The following THSD7A variants were observed in gnomAD, a reference collection of about 807,000 sequenced individuals.
The protein encoded by THSD7A is thrombospondin type-1 domain-containing protein 7A.
In THSD7A, 96 loss-of-function variants were observed where a neutral mutation model predicts 231.3. That is an observed-to-expected ratio of 0.41 (90% CI 0.35 to 0.49). The LOEUF (loss-of-function observed/expected upper bound fraction) is 0.49, where lower values mean the gene tolerates loss of function less well. Among genes scored for constraint, THSD7A ranks in the 20% least tolerant of loss-of-function variants. The pLI is 0.05. For synonymous variants in THSD7A, 940 were observed against 743.3 expected (o/e 1.26, Z -4.30); for missense variants, 2,290 against 2,070.2 (o/e 1.11, Z -2.06).
At chr7:11,563,908 A>G (rs1790185928) in intron 4 of THSD7A, among the ~76,000 whole-genome samples, 1 of 152,124 alleles carries the variant, frequency 6.6e-6, no homozygotes, top group South Asian at 2.1e-4. Context: ...AATCTCTTGA[A>G]TTGTGGTGAG....
chr7:11,686,942 C>A (rs1158020283), intron 1 of THSD7A, among the ~76,000 whole-genome samples: 1 of 151,748 alleles, frequency 6.6e-6, no homozygotes, highest in Non-Finnish European at 1.5e-5. Flanking sequence ...AGGTAACAAA[C>A]CTGCACATGT....
chr7:11,655,459 C>T (rs990019231), intron 1 of THSD7A, among the ~76,000 whole-genome samples: 1 of 151,800 alleles, frequency 6.6e-6, no homozygotes, highest in Non-Finnish European at 1.5e-5. Flanking sequence ...TCTAATCTAA[C>T]CCCATTCCTA....
rs534911147 is a variant in THSD7A, at chr7:11,446,684, C to A, written c.2801-360G>T. Among the ~76,000 whole-genome samples the A allele has an allele frequency of 2.6e-5, 4 of 152,210 alleles. No individual in the cohort carries two copies. The highest frequency in any genetic ancestry group is 3.4e-3 in the Middle Eastern group (1 of 294). ...TTTTTTAACTTAAATTCTGAGTACT[C>A]TACTAGCACCAATATTTTTAGGTTG... On this transcript the variant is annotated intron_variant, in intron 12 of 27. Coordinates refer to ENST00000423059, the MANE Select transcript of THSD7A (RefSeq NM_015204.3). This position sits in a 1 kb window ranked among gnomAD's most constrained non-coding sequence, Gnocchi z 4.0.
At chr7:11,592,612 A>C (rs1194365899) in intron 3 of THSD7A, among the ~76,000 whole-genome samples, 2 of 152,224 alleles carry the variant, frequency 1.3e-5, no homozygotes, top group African/African-American at 4.8e-5. Context: ...GATATATGCT[A>C]GCAATTAAAC....
chr7:11,800,654 A>G (rs931694441), intron 1 of THSD7A, among the ~76,000 whole-genome samples: 2 of 152,248 alleles, frequency 1.3e-5, no homozygotes, highest in Admixed American at 1.3e-4. Context: ...GTATGATTCC[A>G]TTTATACAAG....
chr7:11,681,336 C>T (rs1221567869), intron 1 of THSD7A, among the ~76,000 whole-genome samples: 7 of 151,808 alleles, frequency 4.6e-5, no homozygotes, highest in Admixed American at 2.0e-4. Flanking sequence ...TGTATACCTA[C>T]GTAACAAACC....
At chr7:11,417,641 T>C (rs1397523241) in intron 16 of THSD7A, 38 bp from the exon 17 acceptor site, 2 of 1,580,498 alleles carry the variant, frequency 1.3e-6, no homozygotes, top group Admixed American at 1.9e-5. Context: ...AAAATATACA[T>C]ACATTCTAGA....
At chr7:11,506,291 T>C (rs144337392) in intron 6 of THSD7A, among the ~76,000 whole-genome samples, 3 of 152,268 alleles carry the variant, frequency 2.0e-5, no homozygotes, top group Non-Finnish European at 2.9e-5. Context: ...CTGGGCCTGA[T>C]GTTTTGATTT....
At chr7:11,504,491 A>T (rs531420859) in intron 6 of THSD7A, among the ~76,000 whole-genome samples, 22 of 152,294 alleles carry the variant, frequency 1.4e-4, no homozygotes, top group Non-Finnish European at 2.8e-4. Flanking sequence ...AATAAAAAAA[A>T]TTTTAAAAAG....
rs554883809 is a variant in THSD7A at position 11,577,696 on chromosome 7, G to A, written c.1453+12764C>T. Among the ~76,000 whole-genome samples the A allele has an allele frequency of 9.2e-5, 14 of 151,444 alleles. No homozygotes were observed. In the South Asian group the frequency reaches 1.5e-3, roughly 16 times the overall value. On this transcript the variant is annotated intron_variant, in intron 4 of 27. Coordinates refer to ENST00000423059, the MANE Select transcript of THSD7A (RefSeq NM_015204.3). ...AGGGCTAAGTTTTCCCAGGCATAAA[G>A]CTCCCTATCTGGGCATTTTAGATCC... is the stretch of plus-strand genomic sequence containing the variant.
At chr7:11,613,594 A>C (rs553798088) in intron 2 of THSD7A, among the ~76,000 whole-genome samples, 1 of 152,330 alleles carries the variant, frequency 6.6e-6, no homozygotes, top group South Asian at 2.1e-4. Flanking sequence ...AAAAGTAGTC[A>C]GACTAGTAAG....
At chr7:11,686,801 G>A (rs1464420641) in intron 1 of THSD7A, among the ~76,000 whole-genome samples, 2 of 151,754 alleles carry the variant, frequency 1.3e-5, no homozygotes, top group Non-Finnish European at 2.9e-5. Context: ...TAGACATAAA[G>A]ATGGCAACAA....
At chr7:11,707,407 G>T (rs1208739298) in intron 1 of THSD7A, among the ~76,000 whole-genome samples, 2 of 150,960 alleles carry the variant, frequency 1.3e-5, no homozygotes, top group Non-Finnish European at 3.0e-5. Flanking sequence ...AGTATGCCAA[G>T]TGTGTTGGTT....
chr7:11,755,900 T>C (rs182631372), intron 1 of THSD7A, among the ~76,000 whole-genome samples: 2 of 152,204 alleles, frequency 1.3e-5, no homozygotes, highest in African/African-American at 4.8e-5. Flanking sequence ...ATAACAACTT[T>C]TAGAGAAAGG....
At chr7:11,796,193 T>C (rs1485166564) in intron 1 of THSD7A, among the ~76,000 whole-genome samples, 2 of 150,836 alleles carry the variant, frequency 1.3e-5, no homozygotes, top group Non-Finnish European at 3.0e-5. Context: ...GTTTCATGTG[T>C]ATATTGCTTT....
intron 1 of THSD7A, among the ~76,000 whole-genome samples, chr7:11,769,249 G>A (rs1172709725): frequency 4.8e-5 from 7 of 146,718 alleles, no homozygotes; most frequent in Non-Finnish European, 9.0e-5. Flanking sequence ...TGCCTGCCTC[G>A]GCCTCCCAAA....
At chr7:11,579,000 T>G (rs899014390) in intron 4 of THSD7A, among the ~76,000 whole-genome samples, 1 of 139,380 alleles carries the variant, frequency 7.2e-6, no homozygotes, top group African/African-American at 2.7e-5. Flanking sequence ...GCATTCAATG[T>G]GCATTTTTTT....
At chr7:11,577,854 A>T (rs752696856) in intron 4 of THSD7A, among the ~76,000 whole-genome samples, 7 of 152,090 alleles carry the variant, frequency 4.6e-5, no homozygotes, top group Non-Finnish European at 1.0e-4. Context: ...AGAATTCTTC[A>T]GCAATGGACT....
At chr7:11,626,065 G>T (rs1259399074) in intron 2 of THSD7A, among the ~76,000 whole-genome samples, 2 of 152,078 alleles carry the variant, frequency 1.3e-5, no homozygotes, top group African/African-American at 4.8e-5. Context: ...AGTTCATGTG[G>T]AGGATGATTA....
Sources: allele counts gnomAD v4.1 joint callset (sites outside exome capture counted in the v4.1 genomes callset), GRCh38; gene constraint gnomAD v4.1.1; non-coding constraint Gnocchi (gnomAD v3.1); transcripts MANE v1.5; gene names NCBI Gene and HGNC (gene_info 2026-07-23, HGNC 2026-07-21).